The following PCDH7 variants were observed in gnomAD, a reference collection of about 807,000 sequenced individuals.
PCDH7 encodes protocadherin 7, also known as protocadherin-7.
PCDH7 carries 17 observed loss-of-function variants against 58.9 expected under a neutral mutation model. That is an observed-to-expected ratio of 0.29 (90% CI 0.20 to 0.43). The LOEUF is 0.43. PCDH7 is among the 20% of genes least tolerant of loss of function. The probability of loss-of-function intolerance (pLI) is 1.00; values close to 1 mark genes in which losing one functional copy is unlikely to be tolerated. For synonymous variants in PCDH7, 664 were observed against 616.4 expected (o/e 1.08, Z -1.14); for missense variants, 1,274 against 1,441.0 (o/e 0.88, Z 1.88).
chr4:31,068,139 CA>C (rs1304952444), intron 3 of PCDH7, among the ~76,000 whole-genome samples: 1 of 151,730 alleles, frequency 6.6e-6, no homozygotes, highest in Non-Finnish European at 1.5e-5. Flanking sequence ...AATTTTTTTG[CA>C]ACATTTAAAG....
chr4:31,120,717 T>C (rs979613658), intron 3 of PCDH7, among the ~76,000 whole-genome samples: 1 of 152,146 alleles, frequency 6.6e-6, no homozygotes, highest in Admixed American at 6.6e-5. Flanking sequence ...CATAAACCCA[T>C]AGGTGAATGT....
At chr4:30,795,646 G>GT (rs1166201154) in intron 1 of PCDH7, among the ~76,000 whole-genome samples, 1 of 152,164 alleles carries the variant, frequency 6.6e-6, no homozygotes, top group Admixed American at 6.5e-5. Context: ...GCAAGGTTGT[G>GT]TCTGATTTTA....
chr4:30,871,958 T>C (rs1167838043), intron 1 of PCDH7, among the ~76,000 whole-genome samples: 1 of 152,062 alleles, frequency 6.6e-6, no homozygotes, highest in Non-Finnish European at 1.5e-5. Flanking sequence ...TTACATGGTG[T>C]TTTCATTTTC....
chr4:30,794,024 A>G (rs1246470653), intron 1 of PCDH7: 1 of 152,190 alleles, frequency 6.6e-6, no homozygotes, highest in Non-Finnish European at 1.5e-5. Flanking sequence ...TGCAGGACAT[A>G]AAAGAATTCT....
chr4:30,838,054 G>T (rs780544992), intron 1 of PCDH7, among the ~76,000 whole-genome samples: 1 of 151,832 alleles, frequency 6.6e-6, no homozygotes, highest in African/African-American at 2.4e-5. Context: ...GGGGCTGGGG[G>T]CTAGGAGAGA....
chr4:30,826,277 A>G (rs1729082514), intron 1 of PCDH7, among the ~76,000 whole-genome samples: 3 of 152,178 alleles, frequency 2.0e-5, no homozygotes, highest in African/African-American at 7.2e-5. Flanking sequence ...AAGTCAGTGT[A>G]TTTTGTCATA....
At chr4:30,993,882 G>T (rs527382474) in intron 3 of PCDH7, among the ~76,000 whole-genome samples, 3 of 152,060 alleles carry the variant, frequency 2.0e-5, no homozygotes, top group Non-Finnish European at 4.4e-5. Context: ...GAGAGAGTGT[G>T]TCTGTGTGGG....
intron 3 of PCDH7, among the ~76,000 whole-genome samples, chr4:30,970,545 G>C (rs1034488259): frequency 1.3e-5 from 2 of 152,016 alleles, no homozygotes; most frequent in African/African-American, 4.8e-5. Flanking sequence ...CCCCCGCCTC[G>C]GCCTCCCAAA....
chr4:30,852,428 T>G (rs1034928649), intron 1 of PCDH7, among the ~76,000 whole-genome samples: 10 of 152,082 alleles, frequency 6.6e-5, no homozygotes, highest in Admixed American at 2.6e-4. Flanking sequence ...TTCAGATATG[T>G]CAGAGGATAA....
intron 1 of PCDH7, among the ~76,000 whole-genome samples, chr4:30,772,968 C>G (rs1258342910): frequency 6.6e-6 from 1 of 152,172 alleles, no homozygotes; most frequent in African/African-American, 2.4e-5. Flanking sequence ...GTAGCACAAT[C>G]TCGGCTCACT....
intron 1 of PCDH7, among the ~76,000 whole-genome samples, chr4:30,779,536 T>C (rs542744147): frequency 1.3e-5 from 2 of 152,334 alleles, no homozygotes; most frequent in African/African-American, 2.4e-5. Context: ...TATTAAAAGA[T>C]AGTTATATTC....
chr4:30,822,366 G>A (rs957284184), intron 1 of PCDH7, among the ~76,000 whole-genome samples: 5 of 152,132 alleles, frequency 3.3e-5, no homozygotes, highest in Non-Finnish European at 5.9e-5. Context: ...AATGCCACAC[G>A]CCACATCCAG....
chr4:30,741,137 T>C (rs1344101773), intron 1 of PCDH7, among the ~76,000 whole-genome samples: 1 of 152,212 alleles, frequency 6.6e-6, no homozygotes, highest in Non-Finnish European at 1.5e-5. Flanking sequence ...TCTGAGTTGA[T>C]ATATCATTAG....
intron 3 of PCDH7, among the ~76,000 whole-genome samples, chr4:30,997,535 T>C (rs1469071978): frequency 6.6e-6 from 1 of 152,170 alleles, no homozygotes; most frequent in African/African-American, 2.4e-5. Flanking sequence ...GGACAGACCA[T>C]ATCATGAGGT....
intron 1 of PCDH7, among the ~76,000 whole-genome samples, chr4:30,881,384 T>C (rs1262561430): frequency 6.6e-6 from 1 of 151,970 alleles, no homozygotes; most frequent in African/African-American, 2.4e-5. Context: ...GAACAAACTA[T>C]AAGTTTCCTT....
chr4:30,806,447 T>C (rs73213196), intron 1 of PCDH7, among the ~76,000 whole-genome samples: 1 of 151,944 alleles, frequency 6.6e-6, no homozygotes, highest in Admixed American at 6.6e-5. Context: ...TGGGACTAGG[T>C]GCATGCCACC....
At chr4:30,739,123 AT>A (rs1166073606) in intron 1 of PCDH7, among the ~76,000 whole-genome samples, 1 of 146,836 alleles carries the variant, frequency 6.8e-6, no homozygotes, top group Admixed American at 6.9e-5. Flanking sequence ...ATATATATAT[AT>A]TTTATATATA....
chr4:30,998,307 T>C (rs1439237050), intron 3 of PCDH7, among the ~76,000 whole-genome samples: 2 of 152,116 alleles, frequency 1.3e-5, no homozygotes, highest in African/African-American at 4.8e-5. Context: ...ATTGAAGAGA[T>C]TCATGAGTTA....
chr4:30,806,783 A>G (rs1054883645), intron 1 of PCDH7, among the ~76,000 whole-genome samples: 1 of 151,776 alleles, frequency 6.6e-6, no homozygotes, highest in Non-Finnish European at 1.5e-5. Context: ...TTTCTGTAGC[A>G]TTTACTAAGG....
Sources: gnomAD v4.1 joint callset for allele counts (sites outside exome capture counted in the v4.1 genomes callset) on GRCh38, gnomAD v4.1.1 for gene constraint, MANE v1.5 for transcripts, NCBI Gene and HGNC (gene_info 2026-07-23, HGNC 2026-07-21) for gene names.